The following SPATS2L variants were observed in gnomAD, a reference collection of about 807,000 sequenced individuals.
SPATS2L encodes SPATS2-like protein.
In SPATS2L, 30 loss-of-function variants were observed where a neutral mutation model predicts 59.6. The ratio of observed to expected loss-of-function variants is 0.50; its 90% CI spans 0.38 to 0.68. The LOEUF (loss-of-function observed/expected upper bound fraction) is 0.68, where lower values mean the gene tolerates loss of function less well. Ranked by LOEUF, SPATS2L falls within the 30% of genes least tolerant of loss-of-function variation. SPATS2L has a pLI of 0.00. For synonymous variants in SPATS2L, 252 were observed against 263.5 expected (o/e 0.96, Z 0.42); for missense variants, 615 against 700.0 (o/e 0.88, Z 1.37).
chr2:200,353,637 A>G (rs762927136), intron 2 of SPATS2L, among the ~76,000 whole-genome samples: 1 of 152,036 alleles, frequency 6.6e-6, no homozygotes, highest in East Asian at 1.9e-4. Flanking sequence ...CACATCCCCT[A>G]TTTCACAAAG....
In SPATS2L at chr2:200,441,031, A is replaced by C. The variant is rs2084661272; in HGVS notation, c.788+247A>C. 1.3e-5 allele frequency among the ~76,000 whole-genome samples: 2 copies of C among 152,228 alleles called. 1 individual carries two copies. Among genetic ancestry groups the C allele is most frequent in the Admixed American group, 1.3e-4 (2 of 15,282 alleles). On this transcript the variant is annotated intron_variant, in intron 8 of 12. Coordinates refer to ENST00000409140, the MANE Select transcript of SPATS2L (RefSeq NM_001100423.2). ...GTTTGAAGTTGGCCCAAAACTATGA[A>C]TGATGTAAAACAAAACCTCAACAAA...
intron 2 of SPATS2L, among the ~76,000 whole-genome samples, chr2:200,338,838 A>G (rs1373722687): frequency 1.3e-5 from 2 of 152,116 alleles, no homozygotes; most frequent in Non-Finnish European, 2.9e-5. Context: ...TGTCTCCCAA[A>G]TGTGCACTGT....
At chr2:200,440,294 C>T (rs1439878622) in intron 7 of SPATS2L, among the ~76,000 whole-genome samples, 1 of 152,230 alleles carries the variant, frequency 6.6e-6, no homozygotes, top group African/African-American at 2.4e-5. Context: ...GGCTTTTAAC[C>T]ACGCAAAGTG....
In SPATS2L at chr2:200,416,402, G is replaced by T; in HGVS notation, c.172G>T (p.Glu58Ter). 1 of 1,493,854 alleles carries T rather than the reference G, an allele frequency of 6.7e-7. No homozygotes were observed. Among genetic ancestry groups the T allele is most frequent in the South Asian group, 1.4e-5 (1 of 72,586 alleles). 92.5% of individuals were successfully genotyped at this position (1,493,854 alleles called of 1,614,324 possible). Residue 58 changes from glutamate (E) to a stop codon, truncating the protein, a stop_gained, in exon 5 of 13, where the codon GAA becomes TAA. Transcript: ENST00000409140. LOFTEE classifies it high-confidence loss of function. ...VDGSAIQVLK[E>*]WNMTGKKKNN... ...AGGCAGTGCAATTCAAGTTCTAAAA[G>T]AATGGAATATGACAGGAAAAAAGAA...
At chr2:200,392,725 G>C (rs911045034) in intron 3 of SPATS2L, among the ~76,000 whole-genome samples, 1 of 152,170 alleles carries the variant, frequency 6.6e-6, no homozygotes, top group Non-Finnish European at 1.5e-5. Context: ...TATCTGAAGT[G>C]GGGGGTGGTC....
intron 6 of SPATS2L, among the ~76,000 whole-genome samples, chr2:200,423,022 G>A (rs1238606484): frequency 6.6e-6 from 1 of 152,170 alleles, no homozygotes; most frequent in Non-Finnish European, 1.5e-5. Flanking sequence ...GAGTGGGCAG[G>A]TATCGTATAT....
At chr2:200,363,978 T>C (rs1394987626) in intron 2 of SPATS2L, among the ~76,000 whole-genome samples, 1 of 152,120 alleles carries the variant, frequency 6.6e-6, no homozygotes, top group African/African-American at 2.4e-5. Flanking sequence ...CCCAAGGGTA[T>C]GAAAATTGAT....
At chr2:200,406,668 G>C (rs568446780) in intron 3 of SPATS2L, among the ~76,000 whole-genome samples, 74 of 152,086 alleles carry the variant, frequency 4.9e-4, no homozygotes, top group Non-Finnish European at 8.2e-4. Context: ...TGTTCTGATT[G>C]CTTCCTTCAT....
At chr2:200,468,529 G>A (rs915645611) in intron 10 of SPATS2L, among the ~76,000 whole-genome samples, 3 of 152,196 alleles carry the variant, frequency 2.0e-5, no homozygotes, top group Admixed American at 1.3e-4. Context: ...CCTCCCTCCT[G>A]GTTGGGCATG....
Position 200,480,132 on chromosome 2 carries a change from GA to G in SPATS2L, c.*2108del. The G allele has an allele frequency of 6.1e-6, 1 of 163,308 alleles. No homozygotes were observed. The allele number at this position is 163,308 out of a possible 1,614,324, so 10.1% of individuals were successfully genotyped here. On this transcript the variant is annotated 3_prime_UTR_variant, in exon 13 of 13. Coordinates refer to ENST00000409140, the MANE Select transcript of SPATS2L (RefSeq NM_001100423.2). ...TGAGTCAAGTAATTCTTGGAACAGG[GA>G]AAAAAATGAATTTGCCAGGTCAGGA... is the stretch of plus-strand genomic sequence containing the variant.
At chr2:200,474,871 G>A (rs1454486498) in intron 12 of SPATS2L, among the ~76,000 whole-genome samples, 3 of 152,022 alleles carry the variant, frequency 2.0e-5, no homozygotes, top group African/African-American at 4.8e-5. Context: ...TGACCCTCCC[G>A]CAGCCATGGC....
chr2:200,381,724 C>T (rs1472208889), intron 2 of SPATS2L, among the ~76,000 whole-genome samples: 1 of 152,120 alleles, frequency 6.6e-6, no homozygotes, highest in Non-Finnish European at 1.5e-5. Flanking sequence ...AATCACATGG[C>T]ATAATTGACT....
intron 6 of SPATS2L, among the ~76,000 whole-genome samples, chr2:200,433,338 T>C (rs1294099657): frequency 6.6e-6 from 1 of 152,094 alleles, no homozygotes; most frequent in African/African-American, 2.4e-5. Flanking sequence ...AGCCAATTGA[T>C]ATTTAAAGGA....
At chr2:200,369,095 A>AAGAG (rs2081348425) in intron 2 of SPATS2L, among the ~76,000 whole-genome samples, 1 of 6,694 alleles carries the variant, frequency 1.5e-4, no homozygotes, top group African/African-American at 2.0e-4. Context: ...AAAAAAAAAG[A>AAGAG]AGAGAGTTAT....
At chr2:200,447,612 A>C (rs1160535520) in intron 8 of SPATS2L, among the ~76,000 whole-genome samples, 1 of 152,190 alleles carries the variant, frequency 6.6e-6, no homozygotes, top group East Asian at 1.9e-4. Context: ...TATAAACATG[A>C]GGAATGAGTC....
chr2:200,454,968 A>C (rs555863035), intron 8 of SPATS2L, among the ~76,000 whole-genome samples: 77 of 152,356 alleles, frequency 5.1e-4, no homozygotes, highest in African/African-American at 1.8e-3. Context: ...AACAAATTTC[A>C]GTAATTAAAC....
At chr2:200,388,048 A>T (rs181750150) in intron 2 of SPATS2L, among the ~76,000 whole-genome samples, 1 of 152,220 alleles carries the variant, frequency 6.6e-6, no homozygotes, top group Admixed American at 6.5e-5. Flanking sequence ...CAGAAGGATT[A>T]TGGGCAGTTT....
intron 2 of SPATS2L, among the ~76,000 whole-genome samples, chr2:200,352,313 TTATA>T (rs869105613): frequency 2.3e-4 from 2 of 8,648 alleles, no homozygotes; most frequent in African/African-American, 3.2e-4. Context: ...CCAGCAGTTT[TTATA>T]TATATATATA....
At chr2:200,357,168 T>C (rs1332181588) in intron 2 of SPATS2L, among the ~76,000 whole-genome samples, 1 of 152,244 alleles carries the variant, frequency 6.6e-6, no homozygotes, top group Admixed American at 6.5e-5. Flanking sequence ...TCTTCACAGA[T>C]GTTGAATTCT....
Sources: gnomAD v4.1 joint callset for allele counts (sites outside exome capture counted in the v4.1 genomes callset) on GRCh38, gnomAD v4.1.1 for gene constraint, MANE v1.5 for transcripts, NCBI Gene and HGNC (gene_info 2026-07-23, HGNC 2026-07-21) for gene names.